Variants in GFRA1 observed in about 807,000 individuals in gnomAD.
GFRA1 encodes the protein GDNF family receptor alpha-1.
In GFRA1, 16 loss-of-function variants were observed where a neutral mutation model predicts 51.6. The observed-to-expected ratio is 0.31, with a 90% CI of 0.21 to 0.47. The LOEUF (loss-of-function observed/expected upper bound fraction) is 0.47. GFRA1 is among the 20% of genes least tolerant of loss of function. The pLI is 1.00. For synonymous variants in GFRA1, 270 were observed against 241.3 expected (o/e 1.12, Z -1.10); for missense variants, 530 against 594.3 (o/e 0.89, Z 1.13).
intron 5 of GFRA1, among the ~76,000 whole-genome samples, chr10:116,134,343 T>A (rs1958229730): frequency 6.6e-6 from 1 of 152,196 alleles, no homozygotes; most frequent in Non-Finnish European, 1.5e-5. Flanking sequence ...TCTAATGTGT[T>A]TTCCCAGAAA....
chr10:116,265,212 C>A (rs1969569089), intron 4 of GFRA1, among the ~76,000 whole-genome samples: 1 of 152,186 alleles, frequency 6.6e-6, no homozygotes, highest in African/African-American at 2.4e-5. Context: ...CCACTCCTAG[C>A]ACTTGGTAGG....
chr10:116,273,846 T>A (rs1229254504), upstream of GFRA1, among the ~76,000 whole-genome samples: 1 of 152,020 alleles, frequency 6.6e-6, no homozygotes, highest in East Asian at 1.9e-4. Context: ...CAAGACACAC[T>A]CAGACCCAGG....
At chr10:116,266,053 T>C (rs1196418221) in intron 4 of GFRA1, among the ~76,000 whole-genome samples, 2 of 152,196 alleles carry the variant, frequency 1.3e-5, no homozygotes, top group East Asian at 3.9e-4. Flanking sequence ...ATTTTTGTTC[T>C]CCTTCTTGTT....
chr10:116,169,217 G>A (rs994125110), intron 5 of GFRA1, among the ~76,000 whole-genome samples: 97 of 152,216 alleles, frequency 6.4e-4, no homozygotes, highest in Non-Finnish European at 3.1e-4. Context: ...AAGATCCCCT[G>A]ACTTGATGAC....
At chr10:116,230,082 C>T (rs1966584917) in intron 4 of GFRA1, among the ~76,000 whole-genome samples, 1 of 152,138 alleles carries the variant, frequency 6.6e-6, no homozygotes, top group African/African-American at 2.4e-5. Flanking sequence ...TAATCACCCA[C>T]CCATTTGACC....
At chr10:116,095,608 C>A (rs941600753) in intron 7 of GFRA1, among the ~76,000 whole-genome samples, 3 of 152,178 alleles carry the variant, frequency 2.0e-5, no homozygotes, top group Non-Finnish European at 4.4e-5. Context: ...GGGCAGGTAT[C>A]CTTCCAAAAA....
intron 8 of GFRA1, among the ~76,000 whole-genome samples, chr10:116,091,942 AG>A: frequency 6.6e-6 from 1 of 152,360 alleles, no homozygotes; most frequent in South Asian, 2.1e-4. Context: ...GTTATAAAGC[AG>A]GAACAACTTT....
chr10:116,223,423 C>T (rs752439897), intron 4 of GFRA1, among the ~76,000 whole-genome samples: 1 of 152,176 alleles, frequency 6.6e-6, no homozygotes, highest in African/African-American at 2.4e-5. Flanking sequence ...TCTTTCAGAG[C>T]ACAGGCCTTT....
chr10:116,216,399 G>A (rs542021287), intron 4 of GFRA1, among the ~76,000 whole-genome samples: 102 of 152,260 alleles, frequency 6.7e-4, no homozygotes, highest in African/African-American at 2.4e-3. Flanking sequence ...CTGGATGGCA[G>A]TCTTATTGCC....
intron 9 of GFRA1, among the ~76,000 whole-genome samples, chr10:116,071,039 G>T (rs1955367045): frequency 6.6e-6 from 1 of 152,204 alleles, no homozygotes; most frequent in Non-Finnish European, 1.5e-5. Flanking sequence ...GGGCTGGGGT[G>T]TTTTTCTTCC....
rs546937060 is a variant in GFRA1 at position 116,165,050 on chromosome 10, G to C, written c.434-39493C>G. The stretch of plus-strand genomic sequence containing the variant: ...CTTAATAACGTGTTATTGAATTTTA[G>C]AATTGTTCTTCAGACTTTGTATTCT... On this transcript the variant is annotated intron_variant, in intron 5 of 10. Coordinates refer to ENST00000355422, the MANE Select transcript of GFRA1 (RefSeq NM_005264.8). Among the ~76,000 whole-genome samples the C allele has an allele frequency of 2.2e-3, 333 of 152,234 alleles. 2 individuals carry two copies. The highest frequency in any genetic ancestry group is 2.6e-3 in the Non-Finnish European group (176 of 68,034).
chr10:116,093,378 C>T (rs1054886261), intron 8 of GFRA1, among the ~76,000 whole-genome samples: 27 of 152,328 alleles, frequency 1.8e-4, no homozygotes, highest in African/African-American at 6.5e-4. Context: ...CGGGTAGAAG[C>T]GTTCTTTCCC....
intron 5 of GFRA1, among the ~76,000 whole-genome samples, chr10:116,184,657 A>T (rs550480488): frequency 6.6e-6 from 1 of 152,342 alleles, no homozygotes; most frequent in East Asian, 1.9e-4. Context: ...CTCAGGCTCT[A>T]TTTAACATGT....
chr10:116,260,125 T>A (rs1489780395), intron 4 of GFRA1, among the ~76,000 whole-genome samples: 7 of 152,208 alleles, frequency 4.6e-5, no homozygotes, highest in Admixed American at 2.0e-4. Context: ...ATTAAAAGTC[T>A]GTCATATGCT....
At chr10:116,237,031 A>G (rs1565671241) in intron 4 of GFRA1, among the ~76,000 whole-genome samples, 1 of 152,368 alleles carries the variant, frequency 6.6e-6, no homozygotes, top group African/African-American at 2.4e-5. Context: ...AAGAAGTAAT[A>G]TATGTATATG....
At chr10:116,204,169 G>A (rs1051961539) in intron 5 of GFRA1, among the ~76,000 whole-genome samples, 1 of 152,222 alleles carries the variant, frequency 6.6e-6, no homozygotes, top group Admixed American at 6.5e-5. Context: ...CTGACCTGAA[G>A]TCAAAATCCT....
At position 116,272,395 on chromosome 10, in the gene GFRA1, AC is replaced by A; in HGVS notation, c.-246-121del. On this transcript the variant is annotated intron_variant, in intron 1 of 10. Coordinates refer to ENST00000355422, the MANE Select transcript of GFRA1 (RefSeq NM_005264.8). The surrounding 1 kb of genome is among the most constrained non-coding windows in gnomAD (Gnocchi z 4.4). Reference sequence around the variant, plus strand: ...ATTTCCAACACCGGGGTGAGGACCCACCCCCACCCAGGTCGGGGTGCATGTG... The same window carrying A: ...ATTTCCAACACCGGGGTGAGGACCCACCCCACCCAGGTCGGGGTGCATGTG... The A allele has an allele frequency of 5.5e-6, 2 of 363,402 alleles. No homozygotes were observed. Among genetic ancestry groups the A allele is most frequent in the Non-Finnish European group, 5.2e-6 (1 of 193,284 alleles). The allele number at this position is 363,402 out of a possible 1,614,324, so 22.5% of individuals were successfully genotyped here.
intron 4 of GFRA1, among the ~76,000 whole-genome samples, chr10:116,258,974 T>C (rs573762861): frequency 8.5e-5 from 13 of 152,342 alleles, no homozygotes; most frequent in Non-Finnish European, 1.6e-4. Context: ...CTAAGAAGAA[T>C]ATATATAGTG....
intron 9 of GFRA1, among the ~76,000 whole-genome samples, chr10:116,080,063 G>A (rs1955784105): frequency 6.6e-6 from 1 of 152,088 alleles, no homozygotes; most frequent in Non-Finnish European, 1.5e-5. Flanking sequence ...GATCCTTAAG[G>A]GCACTTCTCT....
Sources: gnomAD v4.1 joint callset for allele counts (sites outside exome capture counted in the v4.1 genomes callset) on GRCh38, gnomAD v4.1.1 for gene constraint, Gnocchi (gnomAD v3.1) non-coding constraint, MANE v1.5 for transcripts, NCBI Gene and HGNC (gene_info 2026-07-23, HGNC 2026-07-21) for gene names.